Variants in ZFHX3 observed in about 807,000 individuals in gnomAD.
The protein encoded by ZFHX3 is zinc finger homeobox 3.
In ZFHX3, 42 loss-of-function variants were observed where a neutral mutation model predicts 279.1. The ratio of observed to expected loss-of-function variants is 0.15; its 90% CI spans 0.12 to 0.19. The LOEUF is 0.19. Ranked by LOEUF, ZFHX3 falls within the 10% of genes least tolerant of loss-of-function variation. The pLI is 1.00. For synonymous variants in ZFHX3, 2,293 were observed against 1,957.8 expected (o/e 1.17, Z -4.52); for missense variants, 4,981 against 4,754.0 (o/e 1.05, Z -1.40).
In ZFHX3 at chr16:72,797,699, G is replaced by C. The variant is rs1279710586; in HGVS notation, c.4983C>G (p.Asn1661Lys). The change falls in exon 9 of 10, where the codon AAC becomes AAG. Residue 1661 changes from asparagine to lysine, a missense_variant. This residue lies in a region of ZFHX3 where 1,751 missense variants were observed against 1,770.0 expected (regional missense o/e 0.99). Transcript: ENST00000268489. ...TGCTTGGATTGGAGGTGGTAAAGGTGTTACTGCCACTGGTGCTCACAGGAC... is the reference window on the plus strand; with the variant it reads ...TGCTTGGATTGGAGGTGGTAAAGGTCTTACTGCCACTGGTGCTCACAGGAC... ...TPSPVSTSGS[N>K]TFTTSNPSSA... The C allele has an allele frequency of 1.2e-6, 2 of 1,614,004 alleles. No individual in the cohort carries two copies. The highest frequency in any genetic ancestry group is 1.7e-6 in the Non-Finnish European group (2 of 1,180,038).
chr16:73,171,643 A>G (rs927961406), intron 5 of ZFHX3, among the ~76,000 whole-genome samples: 1 of 152,190 alleles, frequency 6.6e-6, no homozygotes, highest in Non-Finnish European at 1.5e-5. Context: ...CCTAACTGTT[A>G]GCAGTTAATT....
intron 3 of ZFHX3, among the ~76,000 whole-genome samples, chr16:72,939,015 A>AGTGAGAAAAT (rs11283418): frequency 6.6e-6 from 1 of 152,088 alleles, no homozygotes; most frequent in Non-Finnish European, 1.5e-5. Context: ...TGTCTAGGAC[A>AGTGAGAAAAT]CATAGCCCTG....
At chr16:73,226,996 T>C (rs2012615715) in intron 5 of ZFHX3, among the ~76,000 whole-genome samples, 1 of 152,232 alleles carries the variant, frequency 6.6e-6, no homozygotes, top group Non-Finnish European at 1.5e-5. Flanking sequence ...TATTAGATAT[T>C]ATTTCTATTA....
chr16:72,988,087 C>T (rs1438972945), intron 1 of ZFHX3, among the ~76,000 whole-genome samples: 2 of 152,170 alleles, frequency 1.3e-5, no homozygotes, highest in African/African-American at 4.8e-5. Flanking sequence ...ACCCTAAGAA[C>T]AATATGGTCC....
At chr16:73,322,702 A>T (rs2015601104) in intron 3 of ZFHX3, among the ~76,000 whole-genome samples, 1 of 152,230 alleles carries the variant, frequency 6.6e-6, no homozygotes, top group Admixed American at 6.5e-5. Context: ...GACATAGACC[A>T]TTATAAGGTC....
intron 4 of ZFHX3, among the ~76,000 whole-genome samples, chr16:73,262,965 A>T (rs80308008): frequency 6.6e-6 from 1 of 152,200 alleles, no homozygotes; most frequent in East Asian, 1.9e-4. Flanking sequence ...CCCAGCCCCA[A>T]CCAAGCCACC....
chr16:73,408,716 C>T (rs1420150858), intron 3 of ZFHX3, among the ~76,000 whole-genome samples: 3 of 152,164 alleles, frequency 2.0e-5, no homozygotes. Flanking sequence ...GGGAGTGGCC[C>T]ACAGGGTTGG....
At chr16:73,039,261 A>T (rs994424556) in intron 1 of ZFHX3, among the ~76,000 whole-genome samples, 3 of 152,180 alleles carry the variant, frequency 2.0e-5, no homozygotes, top group Admixed American at 6.5e-5. Flanking sequence ...CCCAGCCCAG[A>T]TTCTTCATTT....
rs747826130 is a variant in ZFHX3, at chr16:72,787,739, T to TGCCACC, written c.10531_10536dup (p.Gly3511_Gly3512dup). ...CCGCCACCGCCGCCGCCGCCGCCACTGCCACCGCCGCCGCCGCCGGTGGGG... is the reference window on the plus strand; with the variant it reads ...CCGCCACCGCCGCCGCCGCCGCCACTGCCACCGCCACCGCCGCCGCCGCCGGTGGGG... On this transcript the variant is annotated inframe_insertion, in exon 10 of 10. Transcript: ENST00000268489. 1.6e-5 allele frequency: 23 copies of TGCCACC among 1,396,772 alleles called. No individual in the cohort carries two copies. The highest frequency in any genetic ancestry group is 1.9e-4 in the Middle Eastern group (1 of 5,210). The allele number at this position is 1,396,772 out of a possible 1,614,324, so 86.5% of individuals were successfully genotyped here. A position where few individuals can be genotyped will look rare whatever the true frequency, so the allele number is the denominator to read the frequency against.
At chr16:72,847,372 A>T (rs2037506735) in intron 4 of ZFHX3, among the ~76,000 whole-genome samples, 1 of 152,162 alleles carries the variant, frequency 6.6e-6, no homozygotes, top group Admixed American at 6.5e-5. Context: ...CTGCAGTCTC[A>T]GGGCTGGAGC....
At chr16:73,436,476 G>A (rs558460153) in intron 3 of ZFHX3, among the ~76,000 whole-genome samples, 7 of 152,202 alleles carry the variant, frequency 4.6e-5, no homozygotes, top group Admixed American at 2.0e-4. Context: ...ATCAGATGTC[G>A]TGAGACATAT....
chr16:73,480,680 G>A (rs2018850435), intron 2 of ZFHX3, among the ~76,000 whole-genome samples: 1 of 152,310 alleles, frequency 6.6e-6, no homozygotes, highest in East Asian at 1.9e-4. Context: ...TCTGGCTGGA[G>A]TGAAGAGGTG....
intron 2 of ZFHX3, among the ~76,000 whole-genome samples, chr16:73,514,897 C>A (rs1358682214): frequency 2.0e-5 from 3 of 152,110 alleles, no homozygotes; most frequent in African/African-American, 7.2e-5. Context: ...AGCCTCCCTC[C>A]TCCCATCTTT....
chr16:73,169,854 AG>A (rs958284821), intron 5 of ZFHX3, among the ~76,000 whole-genome samples: 3 of 151,996 alleles, frequency 2.0e-5, no homozygotes, highest in Non-Finnish European at 4.4e-5. Context: ...TTTTTTCTTG[AG>A]GGGGGCTTTC....
At chr16:72,945,307 C>A (rs1294674216) in intron 3 of ZFHX3, among the ~76,000 whole-genome samples, 2 of 152,196 alleles carry the variant, frequency 1.3e-5, no homozygotes, top group South Asian at 2.1e-4. Flanking sequence ...GCCCTGCCCC[C>A]CAAACTATTT....
At chr16:73,818,031 C>G (rs1477491123) in intron 1 of ZFHX3, among the ~76,000 whole-genome samples, 10 of 152,136 alleles carry the variant, frequency 6.6e-5, no homozygotes, top group Admixed American at 4.6e-4. Flanking sequence ...ATCTTTGTCA[C>G]CCATTTTGAA....
intron 1 of ZFHX3, among the ~76,000 whole-genome samples, chr16:73,888,073 C>G (rs116502984): frequency 0.028 from 4,324 of 152,198 alleles, 110 homozygotes; most frequent in African/African-American, 0.066. Context: ...CTGCATCAGC[C>G]CACCTCCGTC....
At chr16:73,823,762 G>C (rs1052009749) in intron 1 of ZFHX3, among the ~76,000 whole-genome samples, 4 of 152,160 alleles carry the variant, frequency 2.6e-5, no homozygotes, top group South Asian at 2.1e-4. Flanking sequence ...TAGTCTAAAA[G>C]GATAAGCAGG....
chr16:73,886,549 C>A (rs189240550), intron 1 of ZFHX3, among the ~76,000 whole-genome samples: 2 of 152,268 alleles, frequency 1.3e-5, no homozygotes, highest in African/African-American at 4.8e-5. Context: ...GAAAATGAAG[C>A]CTTCGACAGC....
Sources: gnomAD v4.1 joint callset for allele counts (sites outside exome capture counted in the v4.1 genomes callset) on GRCh38, gnomAD v4.1.1 for gene constraint, gnomAD v4.1.1 regional missense constraint, MANE v1.5 for transcripts, NCBI Gene and HGNC (gene_info 2026-07-23, HGNC 2026-07-21) for gene names.